The following CDC37 variants were observed in gnomAD, a reference collection of about 807,000 sequenced individuals.
The protein encoded by CDC37 is hsp90 co-chaperone Cdc37.
In CDC37, 9 loss-of-function variants were observed where a neutral mutation model predicts 46.9. The observed-to-expected ratio is 0.19, with a 90% CI of 0.12 to 0.33. The LOEUF is 0.33. CDC37 is among the 10% of genes least tolerant of loss of function. The pLI, the probability that CDC37 is intolerant of heterozygous loss-of-function variation, is 1.00. For missense variants in CDC37, 388 were observed against 514.6 expected, an observed-to-expected ratio of 0.75 and a Z score of 2.38; for synonymous variants, 193 against 191.0, an observed-to-expected ratio of 1.01 and a Z score of -0.09.
Position 10,391,307 on chromosome 19 carries a change from G to A in CDC37, c.*244C>T. ...ACCTCTGCCCTTCCCCGGACCCCCG[G>A]GCCTTTGGCATAATGCTGATGGGGG... On this transcript the variant is annotated 3_prime_UTR_variant, in exon 8 of 8. Transcript: ENST00000222005. 1 of 531,906 alleles carries A rather than the reference G, an allele frequency of 1.9e-6. No individual in the cohort carries two copies. Among genetic ancestry groups the A allele is most frequent in the South Asian group, 2.2e-5 (1 of 44,916 alleles). 32.9% of individuals were successfully genotyped at this position (531,906 alleles called of 1,614,324 possible). A position where few individuals can be genotyped will look rare whatever the true frequency, so the allele number is the denominator to read the frequency against.
intron 1 of CDC37, among the ~76,000 whole-genome samples, chr19:10,400,389 A>T (rs925147533): frequency 5.3e-5 from 8 of 149,760 alleles, no homozygotes; most frequent in Non-Finnish European, 7.4e-5. Context: ...AAACTTTGAA[A>T]TTTTTTTTTT....
chr19:10,399,567 C>T (rs563955662), intron 1 of CDC37, among the ~76,000 whole-genome samples: 12 of 150,732 alleles, frequency 8.0e-5, no homozygotes, highest in African/African-American at 2.7e-4. Flanking sequence ...TTTGGGAGGC[C>T]GAGGTGGGAG....
In CDC37 at chr19:10,391,538, T is replaced by C. The variant is rs771001628; in HGVS notation, c.*13A>G. On this transcript the variant is annotated 3_prime_UTR_variant, in exon 8 of 8. Transcript: ENST00000222005. ...GGGGCCTGGAAGCAGGTGGCGGTGG[T>C]AGCTGGGGCAGGTCACACACTGACA... 6 of 1,614,026 alleles carry C rather than the reference T, an allele frequency of 3.7e-6. No homozygotes were observed. The highest frequency in any genetic ancestry group is 5.1e-6 in the Non-Finnish European group (6 of 1,179,902).
chr19:10,402,580 C>T (rs1401988187), intron 1 of CDC37, among the ~76,000 whole-genome samples: 1 of 152,062 alleles, frequency 6.6e-6, no homozygotes, highest in African/African-American at 2.4e-5. Context: ...CAAGTAGGAG[C>T]AGGGGCTCTG....
chr19:10,396,338 C>T lies in CDC37; in HGVS notation c.103-135G>A, dbSNP rs760804398. 542 of 1,007,178 alleles carry T rather than the reference C, an allele frequency of 5.4e-4. 1 individual carries two copies. Among genetic ancestry groups the T allele is most frequent in the Middle Eastern group, 1.3e-3 (4 of 3,198 alleles). The allele number at this position is 1,007,178 out of a possible 1,614,324, so 62.4% of individuals were successfully genotyped here. A position where few individuals can be genotyped will look rare whatever the true frequency, so the allele number is the denominator to read the frequency against. The stretch of plus-strand genomic sequence containing the variant: ...TCCCGTGCCCTGGTCTCCCAGCTTC[C>T]GCCCCTGCGCCCACAGGTGCCAGCG... On this transcript the variant is annotated intron_variant, in intron 1 of 7. Coordinates refer to ENST00000222005, the MANE Select transcript of CDC37 (RefSeq NM_007065.4). The surrounding 1 kb of genome is among the most constrained non-coding windows in gnomAD (Gnocchi z 5.9).
chr19:10,401,702 G>A (rs2042519443), intron 1 of CDC37, among the ~76,000 whole-genome samples: 1 of 152,170 alleles, frequency 6.6e-6, no homozygotes, highest in South Asian at 2.1e-4. Context: ...GGGACTGGGA[G>A]CTAGATGAAG....
intron 1 of CDC37, among the ~76,000 whole-genome samples, chr19:10,399,224 T>C (rs1187111494): frequency 1.3e-5 from 2 of 151,988 alleles, no homozygotes; most frequent in African/African-American, 4.8e-5. Flanking sequence ...ATCCCAACAC[T>C]TTGGGAGGCC....
At chr19:10,402,023 G>A (rs1034037753) in intron 1 of CDC37, among the ~76,000 whole-genome samples, 3 of 151,898 alleles carry the variant, frequency 2.0e-5, no homozygotes, top group East Asian at 1.9e-4. Flanking sequence ...GCATGGTGGT[G>A]CATCATGCCT....
At chr19:10,403,327 C>CT in intron 1 of CDC37, 51 bp downstream of exon 1, 12 of 1,416,212 alleles carry the variant, frequency 8.5e-6, no homozygotes, top group Non-Finnish European at 1.2e-5. Flanking sequence ...GGGATCACAA[C>CT]TCCGAAGCGG....
rs2042483323 is a variant in CDC37, at chr19:10,395,499, C to T, written c.423G>A (p.Glu141=). ...TKPEKTEEDS[E]EVREQKHKTF... ...TCTTGTGTTTCTGCTCCCTCACCTC[C>T]TCTGAGTCCTCCTCCGTCTTCTCGG... Residue 141 remains glutamate, a synonymous_variant, in exon 3 of 8, where the codon GAG becomes GAA. Transcript: ENST00000222005. 6 of 1,614,212 alleles carry T rather than the reference C, an allele frequency of 3.7e-6. No individual in the cohort carries two copies. Among genetic ancestry groups the T allele is most frequent in the Non-Finnish European group, 3.4e-6 (4 of 1,179,980 alleles).
intron 3 of CDC37, 45 bp downstream of exon 3, chr19:10,395,390 G>A (rs1230583265): frequency 6.9e-6 from 11 of 1,604,070 alleles, no homozygotes; most frequent in Non-Finnish European, 9.4e-6. Flanking sequence ...GGAGGCAAAG[G>A]GCCTGCCTCG....
chr19:10,397,060 A>G (rs576518869), intron 1 of CDC37, among the ~76,000 whole-genome samples: 1 of 152,058 alleles, frequency 6.6e-6, no homozygotes, highest in Non-Finnish European at 1.5e-5. Flanking sequence ...CCCTGTCTGG[A>G]ATTCCCTGCC....
intron 2 of CDC37, 63 bp from the exon 3 acceptor site, chr19:10,395,606 G>C: frequency 1.5e-6 from 2 of 1,309,676 alleles, no homozygotes; most frequent in Non-Finnish European, 2.2e-6. Context: ...GAGCGCGGCC[G>C]GGCGGGCCGT....
Position 10,396,247 on chromosome 19 carries a change from C to T in CDC37, c.103-44G>A, listed in dbSNP as rs1413459148. On this transcript the variant is annotated intron_variant, in intron 1 of 7. Coordinates refer to ENST00000222005, the MANE Select transcript of CDC37 (RefSeq NM_007065.4). The surrounding 1 kb of genome is among the most constrained non-coding windows in gnomAD (Gnocchi z 5.9). ...TATCAACTCTGGGGAGTCGTCTGTCCCTTACCCCCGCCCCATACCCAATCC... is the reference window on the plus strand; with the variant it reads ...TATCAACTCTGGGGAGTCGTCTGTCTCTTACCCCCGCCCCATACCCAATCC... The T allele has an allele frequency of 1.3e-6, 2 of 1,585,156 alleles. No homozygotes were observed. The highest frequency in any genetic ancestry group is 2.7e-5 in the African/African-American group (2 of 74,380).
chr19:10,395,558 G>C lies in CDC37; in HGVS notation c.379-15C>G, dbSNP rs1411024894. ...TTTACCATGCTCTGTGGTAGGGTGA[G>C]AGGGGGAGTGGGCTGGGGCAAGGCT... On this transcript the variant is annotated splice_polypyrimidine_tract_variant and intron_variant, in intron 2 of 7. Transcript: ENST00000222005. 6.3e-7 allele frequency: 1 copy of C among 1,590,812 alleles called. No individual in the cohort carries two copies. Among genetic ancestry groups the C allele is most frequent in the South Asian group, 1.1e-5 (1 of 90,620 alleles).
chr19:10,402,084 G>A (rs2042521427), intron 1 of CDC37, among the ~76,000 whole-genome samples: 1 of 149,938 alleles, frequency 6.7e-6, no homozygotes, highest in African/African-American at 2.5e-5. Context: ...TTGAACCCGG[G>A]AGGCAGAGGT....
chr19:10,395,126 C>T lies in CDC37; in HGVS notation c.621G>A (p.Glu207=). 6.3e-7 allele frequency: 1 copy of T among 1,592,596 alleles called. No homozygotes were observed. The change falls in exon 5 of 8, where the codon GAG becomes GAA. Residue 207 remains glutamate (E), a synonymous_variant. Coordinates refer to ENST00000222005, the MANE Select transcript of CDC37 (RefSeq NM_007065.4). ...TGACGATTGTCTGGTGGGCCACCTG[C>T]TCCATGAGTGCACATTTCTGCCAGG... The part of the protein sequence containing the change: ...LEVEEKCALM[E]QVAHQTIVMQ...
chr19:10,391,842 T>C, intron 7 of CDC37, 136 bp from the exon 8 acceptor site: 2 of 868,474 alleles, frequency 2.3e-6, no homozygotes, highest in East Asian at 5.5e-5. Flanking sequence ...TCTCACTCTG[T>C]CACCCAGGCT....
rs753021871 is a variant in CDC37, at chr19:10,402,157, C to CAAAAAAAAAA, written c.102+1211_102+1220dup. On this transcript the variant is annotated intron_variant, in intron 1 of 7. Coordinates refer to ENST00000222005, the MANE Select transcript of CDC37 (RefSeq NM_007065.4). ...GGGCGACAAGAAGGAAACTTCGTCT[C>CAAAAAAAAAA]AAAAAAAAAAAAAAAAAAAAAAAAA... Among the ~76,000 whole-genome samples the CAAAAAAAAAA allele has an allele frequency of 3.2e-3, 202 of 63,836 alleles. 3 individuals are homozygous for CAAAAAAAAAA. The highest frequency in any genetic ancestry group is 0.012 in the African/African-American group (193 of 15,716). The allele number at this position is 63,836 out of a possible 152,430, so 41.9% of individuals were successfully genotyped here.
Sources: gnomAD v4.1 joint callset for allele counts (sites outside exome capture counted in the v4.1 genomes callset) on GRCh38, gnomAD v4.1.1 for gene constraint, Gnocchi (gnomAD v3.1) non-coding constraint, MANE v1.5 for transcripts, NCBI Gene and HGNC (gene_info 2026-07-23, HGNC 2026-07-21) for gene names.